Variants in TTC27 observed in about 807,000 individuals in gnomAD.
The protein encoded by TTC27 is tetratricopeptide repeat protein 27.
A neutral mutation model predicts 115.9 loss-of-function variants in TTC27; 79 were observed. The ratio of observed to expected loss-of-function variants is 0.68; its 90% CI spans 0.57 to 0.82. The LOEUF is 0.82. Ranked by LOEUF, TTC27 falls within the 40% of genes least tolerant of loss-of-function variation. TTC27 has a pLI of 0.00. For synonymous variants in TTC27, 401 were observed against 356.0 expected, an observed-to-expected ratio of 1.13 and a Z score of -1.42; for missense variants, 1,054 against 993.1, an observed-to-expected ratio of 1.06 and a Z score of -0.82.
intron 9 of TTC27, among the ~76,000 whole-genome samples, chr2:32,683,921 C>T (rs1316731914): frequency 6.6e-6 from 1 of 151,874 alleles, no homozygotes; most frequent in East Asian, 1.9e-4. Flanking sequence ...TTTGGGAGGC[C>T]AAGGTGGGCA....
intron 5 of TTC27, among the ~76,000 whole-genome samples, chr2:32,655,314 C>T (rs1665278726): frequency 6.6e-6 from 1 of 151,892 alleles, no homozygotes. Context: ...TTAAATTTTT[C>T]TGTAGAGAAA....
intron 13 of TTC27, among the ~76,000 whole-genome samples, chr2:32,771,387 G>A (rs1411569324): frequency 6.6e-6 from 1 of 152,190 alleles, no homozygotes; most frequent in Non-Finnish European, 1.5e-5. Context: ...TCTAACAGGA[G>A]AATCTCACAT....
intron 16 of TTC27, among the ~76,000 whole-genome samples, chr2:32,790,696 A>G (rs1336551172): frequency 1.3e-5 from 2 of 152,120 alleles, no homozygotes; most frequent in East Asian, 1.9e-4. Context: ...CCTTTCCCCA[A>G]CAATTCCCCA....
At chr2:32,707,583 T>C (rs1318212489) in intron 10 of TTC27, among the ~76,000 whole-genome samples, 1 of 152,226 alleles carries the variant, frequency 6.6e-6, no homozygotes, top group African/African-American at 2.4e-5. Context: ...GTCTATATCC[T>C]AATTAATATT....
chr2:32,816,332 T>C (rs11884885), intron 18 of TTC27, among the ~76,000 whole-genome samples: 3 of 151,010 alleles, frequency 2.0e-5, no homozygotes, highest in African/African-American at 7.3e-5. Flanking sequence ...AAAAAAAAAA[T>C]TGATTTTCTA....
intron 4 of TTC27, among the ~76,000 whole-genome samples, chr2:32,647,143 C>G (rs778256527): frequency 3.3e-5 from 5 of 152,030 alleles, no homozygotes; most frequent in Middle Eastern, 3.4e-3. Flanking sequence ...AATGGGGTCT[C>G]TCTGTGTTGC....
At chr2:32,657,128 G>C (rs901540430) in intron 5 of TTC27, among the ~76,000 whole-genome samples, 3 of 151,666 alleles carry the variant, frequency 2.0e-5, no homozygotes, top group Non-Finnish European at 2.9e-5. Flanking sequence ...TGGGACTACA[G>C]GTGCCCACCA....
chr2:32,717,241 T>G (rs953366317), intron 10 of TTC27, among the ~76,000 whole-genome samples: 1 of 152,164 alleles, frequency 6.6e-6, no homozygotes, highest in Admixed American at 6.5e-5. Flanking sequence ...CCCAAAGTGC[T>G]GGGATTACAG....
intron 9 of TTC27, among the ~76,000 whole-genome samples, 156 bp from the exon 10 acceptor site, chr2:32,702,651 A>G (rs1007443372): frequency 6.6e-6 from 1 of 152,222 alleles, no homozygotes. Context: ...CTGTAATACA[A>G]ATTGAGAAAA....
intron 13 of TTC27, among the ~76,000 whole-genome samples, chr2:32,758,773 T>C (rs1490903172): frequency 6.6e-6 from 1 of 152,222 alleles, no homozygotes; most frequent in African/African-American, 2.4e-5. Context: ...TTATCTGTCC[T>C]TAACTGACAT....
At chr2:32,817,398 A>G (rs1461045963) in intron 18 of TTC27, 59 bp from the exon 19 acceptor site, 2 of 1,401,024 alleles carry the variant, frequency 1.4e-6, no homozygotes, top group South Asian at 1.2e-5. Flanking sequence ...TGGCTTTTGT[A>G]CCTGTGAATT....
At chr2:32,766,486 G>A in intron 13 of TTC27, 1 of 458,222 alleles carries the variant, frequency 2.2e-6, no homozygotes, top group Non-Finnish European at 4.5e-6. Flanking sequence ...GAGGCCTGAG[G>A]AGAGGGAGAA....
intron 9 of TTC27, among the ~76,000 whole-genome samples, chr2:32,697,527 T>C (rs1667028325): frequency 6.6e-6 from 1 of 152,222 alleles, no homozygotes; most frequent in South Asian, 2.1e-4. Flanking sequence ...TTTGTAATAA[T>C]TGCATTTAGC....
At chr2:32,779,161 C>T (rs887968448) in intron 14 of TTC27, among the ~76,000 whole-genome samples, 7 of 151,800 alleles carry the variant, frequency 4.6e-5, no homozygotes, top group African/African-American at 1.5e-4. Flanking sequence ...AGGCGGAGGT[C>T]GCAGTGAGCA....
intron 4 of TTC27, among the ~76,000 whole-genome samples, chr2:32,649,833 C>T (rs377018992): frequency 2.0e-5 from 3 of 151,974 alleles, no homozygotes; most frequent in East Asian, 3.9e-4. Context: ...TGTGAGCCAT[C>T]GCACCCGGCC....
At chr2:32,813,779 A>G (rs1324123379) in intron 18 of TTC27, among the ~76,000 whole-genome samples, 1 of 152,226 alleles carries the variant, frequency 6.6e-6, no homozygotes, top group Non-Finnish European at 1.5e-5. Flanking sequence ...GACCTTTGAT[A>G]TCTTTGACCT....
intron 6 of TTC27, among the ~76,000 whole-genome samples, chr2:32,666,434 G>T (rs1400696995): frequency 6.6e-6 from 1 of 151,628 alleles, no homozygotes; most frequent in Non-Finnish European, 1.5e-5. Context: ...AGAAATCCTG[G>T]GTTTGAGTCC....
chr2:32,651,459 G>C (rs1161650521), intron 5 of TTC27, among the ~76,000 whole-genome samples: 1 of 152,158 alleles, frequency 6.6e-6, no homozygotes, highest in Admixed American at 6.5e-5. Context: ...CAATTCTCCT[G>C]CCTCAGCCTC....
chr2:32,642,402 C>G (rs538341501), intron 4 of TTC27, among the ~76,000 whole-genome samples: 1 of 151,802 alleles, frequency 6.6e-6, no homozygotes, highest in African/African-American at 2.4e-5. Flanking sequence ...CAGGCGCCCA[C>G]CACCACGTTT....
Sources: gnomAD v4.1 joint callset for allele counts (sites outside exome capture counted in the v4.1 genomes callset) on GRCh38, gnomAD v4.1.1 for gene constraint, MANE v1.5 for transcripts, NCBI Gene and HGNC (gene_info 2026-07-23, HGNC 2026-07-21) for gene names.